Variants in ASB4 observed in about 807,000 individuals in gnomAD.
The protein encoded by ASB4 is ankyrin repeat and SOCS box protein 4.
Under a neutral mutation model 38.6 loss-of-function variants are expected in ASB4, and 35 were observed. The observed-to-expected ratio is 0.91, with a 90% CI of 0.69 to 1.20. The LOEUF (loss-of-function observed/expected upper bound fraction) is 1.20. ASB4 is among the 50% of genes most tolerant of loss of function. ASB4 has a pLI of 0.00. For missense variants in ASB4, 557 were observed against 527.2 expected, an observed-to-expected ratio of 1.06 and a Z score of -0.55; for synonymous variants, 195 against 201.3, an observed-to-expected ratio of 0.97 and a Z score of 0.26.
At chr7:95,536,944 A>C (rs1790897281) in intron 4 of ASB4, among the ~76,000 whole-genome samples, 1 of 152,206 alleles carries the variant, frequency 6.6e-6, no homozygotes, top group Non-Finnish European at 1.5e-5. Flanking sequence ...TTAGGCAGGA[A>C]AGAGTTTTAA....
downstream of ASB4, among the ~76,000 whole-genome samples, chr7:95,541,174 C>T (rs139005484): frequency 6.2e-3 from 949 of 152,210 alleles, 3 homozygotes; most frequent in Non-Finnish European, 0.01. Context: ...TTATCTGACT[C>T]ATAATATAGG....
At chr7:95,536,122 T>C (rs1260403795) in intron 3 of ASB4, among the ~76,000 whole-genome samples, 3 of 152,236 alleles carry the variant, frequency 2.0e-5, no homozygotes, top group Non-Finnish European at 4.4e-5. Flanking sequence ...TATTAATCTA[T>C]CTATTTGCCA....
At chr7:95,523,836 A>G (rs2116638459) in intron 2 of ASB4, among the ~76,000 whole-genome samples, 1 of 152,314 alleles carries the variant, frequency 6.6e-6, no homozygotes, top group East Asian at 1.9e-4. Context: ...CTATATAATT[A>G]CATGGAAATG....
At chr7:95,536,106 T>C (rs1790886185) in intron 3 of ASB4, among the ~76,000 whole-genome samples, 1 of 152,248 alleles carries the variant, frequency 6.6e-6, no homozygotes, top group South Asian at 2.1e-4. Flanking sequence ...GAAATTGGTT[T>C]GATTTTATTA....
chr7:95,518,337 T>C (rs1790613523), intron 2 of ASB4, among the ~76,000 whole-genome samples: 2 of 152,258 alleles, frequency 1.3e-5, no homozygotes, highest in African/African-American at 4.8e-5. Flanking sequence ...TAAAGTCTTC[T>C]TCTCCCCATG....
intron 2 of ASB4, among the ~76,000 whole-genome samples, chr7:95,516,317 A>C (rs759100808): frequency 2.8e-4 from 42 of 152,190 alleles, no homozygotes; most frequent in Non-Finnish European, 5.7e-4. Flanking sequence ...ATCTATGGTT[A>C]CTTTGCAAAA....
chr7:95,528,416 C>A, intron 3 of ASB4, 113 bp downstream of exon 3: 1 of 1,552,404 alleles, frequency 6.4e-7, no homozygotes, highest in South Asian at 1.2e-5. Flanking sequence ...CTAACTACCT[C>A]TGATCCTCTT....
the ASB4 span, among the ~76,000 whole-genome samples, chr7:95,546,422 TA>T: frequency 3.9e-5 from 6 of 152,220 alleles, no homozygotes; most frequent in African/African-American, 4.8e-5. Context: ...GATTCTTAAA[TA>T]TTTTTTTTTC....
intron 2 of ASB4, among the ~76,000 whole-genome samples, chr7:95,506,882 T>G (rs1272402988): frequency 6.6e-6 from 1 of 152,072 alleles, no homozygotes; most frequent in Non-Finnish European, 1.5e-5. Context: ...CTTGAATTAC[T>G]ATTATTTGGA....
chr7:95,476,533 A>G (rs1348518546), upstream of ASB4, among the ~76,000 whole-genome samples: 1 of 152,230 alleles, frequency 6.6e-6, no homozygotes, highest in Non-Finnish European at 1.5e-5. Flanking sequence ...GGGCAGCTAC[A>G]GACACTAGAA....
At chr7:95,521,661 G>T (rs1790663559) in intron 2 of ASB4, among the ~76,000 whole-genome samples, 3 of 146,400 alleles carry the variant, frequency 2.0e-5, no homozygotes, top group Non-Finnish European at 4.5e-5. Flanking sequence ...GTTTATACAA[G>T]GTAATTCTGT....
chr7:95,488,018 T>TA (rs776195005), intron 1 of ASB4, among the ~76,000 whole-genome samples: 42 of 152,326 alleles, frequency 2.8e-4, no homozygotes, highest in Non-Finnish European at 4.9e-4. Context: ...TCTTTAGTCT[T>TA]AAACCCAGGT....
intron 3 of ASB4, among the ~76,000 whole-genome samples, chr7:95,531,577 G>A (rs1324574369): frequency 6.6e-6 from 1 of 152,186 alleles, no homozygotes; most frequent in African/African-American, 2.4e-5. Flanking sequence ...AACAAATGAT[G>A]GCTATGACTA....
At chr7:95,510,636 G>T (rs1790466722) in intron 2 of ASB4, among the ~76,000 whole-genome samples, 1 of 152,114 alleles carries the variant, frequency 6.6e-6, no homozygotes, top group Non-Finnish European at 1.5e-5. Flanking sequence ...TCAAGTTTGG[G>T]TTGCTTACTG....
chr7:95,485,834 T>A, upstream of ASB4: 1 of 661,584 alleles, frequency 1.5e-6, no homozygotes, highest in South Asian at 2.8e-5. Flanking sequence ...TTTGAAATGA[T>A]CCCTATATAA....
upstream of ASB4, among the ~76,000 whole-genome samples, chr7:95,483,006 G>C (rs2116569031): frequency 6.6e-6 from 1 of 152,336 alleles, no homozygotes; most frequent in South Asian, 2.1e-4. Context: ...CTGGCCCTAA[G>C]AAGATGGCAC....
At chr7:95,502,178 GAAAA>G (rs758156532) in intron 2 of ASB4, among the ~76,000 whole-genome samples, 1 of 150,850 alleles carries the variant, frequency 6.6e-6, no homozygotes, top group African/African-American at 2.4e-5. Context: ...ATATTTAAGG[GAAAA>G]AAAAGAAAAA....
At chr7:95,501,698 C>T (rs1270390027) in intron 2 of ASB4, among the ~76,000 whole-genome samples, 1 of 152,182 alleles carries the variant, frequency 6.6e-6, no homozygotes, top group Non-Finnish European at 1.5e-5. Context: ...GAGTGGCCAA[C>T]CTTTCACTCC....
intron 2 of ASB4, among the ~76,000 whole-genome samples, chr7:95,525,499 G>T (rs1562820373): frequency 6.6e-6 from 1 of 151,682 alleles, no homozygotes; most frequent in East Asian, 1.9e-4. Context: ...TAAAAATAAG[G>T]AACTCCTATT....
Sources: gnomAD v4.1 joint callset for allele counts (sites outside exome capture counted in the v4.1 genomes callset) on GRCh38, gnomAD v4.1.1 for gene constraint, MANE v1.5 for transcripts, NCBI Gene and HGNC (gene_info 2026-07-23, HGNC 2026-07-21) for gene names.